Variants in GP9 observed in about 807,000 individuals in gnomAD.
GP9 encodes the protein platelet glycoprotein IX.
For synonymous variants in GP9, 116 were observed against 116.7 expected (o/e 0.99, Z 0.04); for missense variants, 228 against 241.8 (o/e 0.94, Z 0.38).
the GP9 span, among the ~76,000 whole-genome samples, chr3:129,055,025 C>T: frequency 2.0e-5 from 3 of 152,168 alleles, no homozygotes; most frequent in South Asian, 4.1e-4. Context: ...TATAATTTAG[C>T]GTCTTATTTG....
Position 129,062,303 on chromosome 3 carries a change from C to G in GP9, c.*30C>G. The stretch of plus-strand genomic sequence containing the variant: ...GGCCCCCAGAACCCCTGGCTCCAGG[C>G]CAGGGGGCCAGTCCCTGAGGCAGGT... On this transcript the variant is annotated 3_prime_UTR_variant, in exon 3 of 3. Transcript: ENST00000307395. The G allele has an allele frequency of 6.8e-7, 1 of 1,480,384 alleles. No individual in the cohort carries two copies. The highest frequency in any genetic ancestry group is 2.5e-5 in the East Asian group (1 of 40,386). The allele number at this position is 1,480,384 out of a possible 1,614,324, so 91.7% of individuals were successfully genotyped here. A position where few individuals can be genotyped will look rare whatever the true frequency, so the allele number is the denominator to read the frequency against.
chr3:129,056,247 C>T (rs951500007), upstream of GP9, among the ~76,000 whole-genome samples: 4 of 152,214 alleles, frequency 2.6e-5, no homozygotes, highest in Admixed American at 6.5e-5. Context: ...CGGAGACCTG[C>T]ATCTGCAAAG....
upstream of GP9, among the ~76,000 whole-genome samples, chr3:129,058,683 C>G (rs1373999315): frequency 6.6e-6 from 1 of 152,260 alleles, no homozygotes; most frequent in Non-Finnish European, 1.5e-5. Flanking sequence ...TAACCTGCCC[C>G]TGAATTTGCA....
chr3:129,062,345 G>A lies in GP9; in HGVS notation c.*72G>A. 2 of 1,068,824 alleles carry A rather than the reference G, an allele frequency of 1.9e-6. No individual in the cohort carries two copies. Among genetic ancestry groups the A allele is most frequent in the Non-Finnish European group, 2.7e-6 (2 of 736,288 alleles). The allele number at this position is 1,068,824 out of a possible 1,614,324, so 66.2% of individuals were successfully genotyped here. On this transcript the variant is annotated 3_prime_UTR_variant, in exon 3 of 3. Transcript: ENST00000307395. ...GAGGCAGGTCCCCAGACTCCACCAAGCCTGGTCAGCCCAAACCACCAGAAG... is the reference window on the plus strand; with the variant it reads ...GAGGCAGGTCCCCAGACTCCACCAAACCTGGTCAGCCCAAACCACCAGAAG...
At position 129,062,402 on chromosome 3, in the gene GP9, T is replaced by C; in HGVS notation, c.*129T>C. ...ATAAACTGGCAGCTCAGCTGTTTTA[T>C]ATAAGCTCAGAGATTTTTTTTTTTT... On this transcript the variant is annotated 3_prime_UTR_variant, in exon 3 of 3. Coordinates refer to ENST00000307395, the MANE Select transcript of GP9 (RefSeq NM_000174.5). 1.5e-6 allele frequency: 1 copy of C among 652,842 alleles called. No individual in the cohort carries two copies. Among genetic ancestry groups the C allele is most frequent in the Non-Finnish European group, 2.6e-6 (1 of 389,390 alleles). 40.4% of individuals were successfully genotyped at this position (652,842 alleles called of 1,614,324 possible).
At chr3:129,055,632 TTTTC>T in the GP9 span, among the ~76,000 whole-genome samples, 80 of 150,638 alleles carry the variant, frequency 5.3e-4, no homozygotes, top group African/African-American at 1.0e-3. Flanking sequence ...GCCCCCTTTC[TTTTC>T]TTTCTTTCTT....
chr3:129,056,495 C>T (rs1946522590), upstream of GP9, among the ~76,000 whole-genome samples: 1 of 152,246 alleles, frequency 6.6e-6, no homozygotes, highest in Non-Finnish European at 1.5e-5. Flanking sequence ...AGGCTGTTTC[C>T]TTCAGCTCAG....
upstream of GP9, among the ~76,000 whole-genome samples, chr3:129,057,007 C>T (rs1435892191): frequency 6.6e-6 from 1 of 152,150 alleles, no homozygotes; most frequent in Non-Finnish European, 1.5e-5. Context: ...CAGAGGCCAG[C>T]ATCAAGGAGA....
chr3:129,055,695 A>G, the GP9 span, among the ~76,000 whole-genome samples: 2 of 146,034 alleles, frequency 1.4e-5, no homozygotes, highest in Admixed American at 6.9e-5. Flanking sequence ...CCCAGGCTGG[A>G]GTGCAATGGT....
upstream of GP9, among the ~76,000 whole-genome samples, chr3:129,057,764 T>A (rs181319707): frequency 3.5e-4 from 53 of 150,908 alleles, no homozygotes; most frequent in African/African-American, 1.2e-3. Context: ...AAAAATCAGA[T>A]GGTAATTGGA....
At chr3:129,056,030 A>G (rs1946519226), upstream of GP9, among the ~76,000 whole-genome samples, 1 of 152,098 alleles carries the variant, frequency 6.6e-6, no homozygotes, top group African/African-American at 2.4e-5. Flanking sequence ...CCAGACCCCC[A>G]GCAAAGCACC....
At chr3:129,059,086 G>T (rs754587665), upstream of GP9, among the ~76,000 whole-genome samples, 13 of 152,150 alleles carry the variant, frequency 8.5e-5, no homozygotes, top group Non-Finnish European at 1.9e-4. Flanking sequence ...AAATACACAT[G>T]GGGAAAAAGC....
upstream of GP9, among the ~76,000 whole-genome samples, chr3:129,059,452 G>A (rs535415741): frequency 1.1e-4 from 17 of 152,326 alleles, no homozygotes; most frequent in African/African-American, 4.1e-4. Flanking sequence ...CATGGGGAGG[G>A]AGGGAAGGGC....
intron 1 of GP9, among the ~76,000 whole-genome samples, chr3:129,061,155 CCT>C (rs1946571107): frequency 1.3e-5 from 2 of 152,166 alleles, no homozygotes; most frequent in Non-Finnish European, 2.9e-5. Context: ...CATTGCTTTC[CCT>C]CTCTGGGCCT....
upstream of GP9, among the ~76,000 whole-genome samples, chr3:129,059,556 G>T (rs540479821): frequency 6.6e-6 from 1 of 152,190 alleles, no homozygotes; most frequent in African/African-American, 2.4e-5. Context: ...CCAGGCCCCC[G>T]AGCAGGTGTG....
At chr3:129,058,975 G>C (rs1946547386), upstream of GP9, among the ~76,000 whole-genome samples, 2 of 152,208 alleles carry the variant, frequency 1.3e-5, no homozygotes, top group Admixed American at 1.3e-4. Flanking sequence ...TGGAGGCTCT[G>C]GGAGAATCCA....
At chr3:129,059,760 T>C (rs184097992), upstream of GP9, among the ~76,000 whole-genome samples, 4 of 152,276 alleles carry the variant, frequency 2.6e-5, no homozygotes, top group Admixed American at 1.3e-4. Flanking sequence ...CTCACCCTGC[T>C]TGGCCATGCA....
upstream of GP9, among the ~76,000 whole-genome samples, chr3:129,058,320 A>G (rs1346388540): frequency 6.6e-6 from 1 of 152,216 alleles, no homozygotes; most frequent in African/African-American, 2.4e-5. Context: ...TTAATGCAGC[A>G]CACATTTATT....
upstream of GP9, among the ~76,000 whole-genome samples, chr3:129,058,582 G>A (rs1466876097): frequency 6.6e-6 from 1 of 152,206 alleles, no homozygotes; most frequent in African/African-American, 2.4e-5. Flanking sequence ...CACCATGGTA[G>A]TTTACAAATG....
Sources: allele counts gnomAD v4.1 joint callset (sites outside exome capture counted in the v4.1 genomes callset), GRCh38; gene constraint gnomAD v4.1.1; transcripts MANE v1.5; gene names NCBI Gene and HGNC (gene_info 2026-07-23, HGNC 2026-07-21).